The following PPP2R2C variants were observed in gnomAD, a reference collection of about 807,000 sequenced individuals.
The protein encoded by PPP2R2C is protein phosphatase 2 regulatory subunit Bgamma.
Under a neutral mutation model 45.3 loss-of-function variants are expected in PPP2R2C, and 10 were observed. The observed-to-expected ratio is 0.22, with a 90% CI of 0.14 to 0.37. The LOEUF (loss-of-function observed/expected upper bound fraction) is 0.37. Among genes scored for constraint, PPP2R2C ranks in the 10% least tolerant of loss-of-function variants. The probability of loss-of-function intolerance (pLI) is 1.00; values close to 1 mark genes in which losing one functional copy is unlikely to be tolerated. For missense variants in PPP2R2C, 308 were observed against 619.7 expected (o/e 0.50, Z 5.34); for synonymous variants, 257 against 245.4 (o/e 1.05, Z -0.44).
chr4:6,336,173 A>G (rs1732830687), intron 6 of PPP2R2C, among the ~76,000 whole-genome samples: 1 of 152,050 alleles, frequency 6.6e-6, no homozygotes, highest in South Asian at 2.1e-4. Context: ...AACTGACAGT[A>G]GGCGCCTCCC....
chr4:6,512,240 GGGTGGTGGTGGTGAT>G (rs1560595164), intron 2 of PPP2R2C, among the ~76,000 whole-genome samples: 30 of 11,076 alleles, frequency 2.7e-3, no homozygotes, highest in African/African-American at 0.011. Flanking sequence ...GTGATGGTGG[GGGTGGTGGTGGTGAT>G]GGTGGTGGTG....
chr4:6,482,478 C>T (rs1722388211), intron 2 of PPP2R2C, among the ~76,000 whole-genome samples: 2 of 152,196 alleles, frequency 1.3e-5, no homozygotes, highest in African/African-American at 4.8e-5. Context: ...TAGATTTTCT[C>T]TTAAGCGTCT....
At chr4:6,528,153 G>A (rs1724277963) in intron 2 of PPP2R2C, among the ~76,000 whole-genome samples, 1 of 152,246 alleles carries the variant, frequency 6.6e-6, no homozygotes, top group Non-Finnish European at 1.5e-5. Context: ...TGCCTGCCCT[G>A]TACCCTCGGC....
At chr4:6,550,970 C>T (rs1370075385) in intron 1 of PPP2R2C, among the ~76,000 whole-genome samples, 1 of 152,196 alleles carries the variant, frequency 6.6e-6, no homozygotes, top group Non-Finnish European at 1.5e-5. Flanking sequence ...GTTTTGGTCT[C>T]TCTCTAGAAA....
chr4:6,468,857 G>C (rs1721715017), intron 1 of PPP2R2C, among the ~76,000 whole-genome samples: 1 of 151,914 alleles, frequency 6.6e-6, no homozygotes, highest in Non-Finnish European at 1.5e-5. Flanking sequence ...ACCATATCCA[G>C]CTCTTGAGAA....
intron 2 of PPP2R2C, among the ~76,000 whole-genome samples, chr4:6,495,981 GGC>G (rs1416432188): frequency 6.6e-6 from 1 of 152,152 alleles, no homozygotes; most frequent in Non-Finnish European, 1.5e-5. Flanking sequence ...GGCTCTCCAT[GGC>G]GGCACTCCTT....
chr4:6,352,204 C>T (rs540410371), intron 5 of PPP2R2C, among the ~76,000 whole-genome samples: 8 of 152,050 alleles, frequency 5.3e-5, no homozygotes, highest in East Asian at 1.9e-4. Context: ...TGAGGGCCCC[C>T]GGCTGGGCGT....
chr4:6,516,377 T>C (rs1723829514), intron 2 of PPP2R2C, among the ~76,000 whole-genome samples: 1 of 152,238 alleles, frequency 6.6e-6, no homozygotes. Context: ...TGCCTCGTCT[T>C]ACCCGCAGTG....
chr4:6,321,367 G>C lies in PPP2R2C; in HGVS notation c.*1935C>G, dbSNP rs1208924304. 1 of 152,306 alleles carries C rather than the reference G, an allele frequency of 6.6e-6. No individual in the cohort carries two copies. The highest frequency in any genetic ancestry group is 2.4e-5 in the African/African-American group (1 of 41,346). The allele number at this position is 152,306 out of a possible 1,614,324, so 9.4% of individuals were successfully genotyped here. A position where few individuals can be genotyped will look rare whatever the true frequency, so the allele number is the denominator to read the frequency against. On this transcript the variant is annotated 3_prime_UTR_variant, in exon 9 of 9. Coordinates refer to ENST00000382599, the MANE Select transcript of PPP2R2C (RefSeq NM_020416.4). ...ACATTCTCGAACCTCTTTACAAGGGGGAAAAAAGTAATCCAATCCTTTGAT... is the reference window on the plus strand; with the variant it reads ...ACATTCTCGAACCTCTTTACAAGGGCGAAAAAAGTAATCCAATCCTTTGAT...
chr4:6,402,799 T>C (rs998953067), intron 1 of PPP2R2C, among the ~76,000 whole-genome samples: 2 of 152,164 alleles, frequency 1.3e-5, no homozygotes, highest in Non-Finnish European at 2.9e-5. Flanking sequence ...ACACTGCTAG[T>C]GGGAGGCATT....
chr4:6,415,661 T>C (rs1315388613), intron 1 of PPP2R2C, among the ~76,000 whole-genome samples: 1 of 152,180 alleles, frequency 6.6e-6, no homozygotes, highest in Non-Finnish European at 1.5e-5. Context: ...TCCAGCAGAC[T>C]TCTGACATTC....
At chr4:6,455,713 G>C (rs1241594606) in intron 1 of PPP2R2C, among the ~76,000 whole-genome samples, 7 of 152,054 alleles carry the variant, frequency 4.6e-5, no homozygotes, top group African/African-American at 1.7e-4. Context: ...TCCCCTGCCT[G>C]GACAGATCAC....
At chr4:6,326,174 G>A (rs1400047370) in intron 8 of PPP2R2C, among the ~76,000 whole-genome samples, 1 of 152,258 alleles carries the variant, frequency 6.6e-6, no homozygotes, top group African/African-American at 2.4e-5. Flanking sequence ...CCCTGGGAGG[G>A]GTTGGCTGGC....
chr4:6,415,864 C>G (rs1318833891), intron 1 of PPP2R2C, among the ~76,000 whole-genome samples: 1 of 152,206 alleles, frequency 6.6e-6, no homozygotes, highest in Non-Finnish European at 1.5e-5. Context: ...CATTACACAG[C>G]TATTAAGATA....
At chr4:6,401,066 T>C (rs1717383432) in intron 1 of PPP2R2C, among the ~76,000 whole-genome samples, 1 of 152,154 alleles carries the variant, frequency 6.6e-6, no homozygotes, top group African/African-American at 2.4e-5. Context: ...AAATAAAATA[T>C]TTATGAGGAC....
At chr4:6,482,268 C>T (rs1009137112) in intron 2 of PPP2R2C, among the ~76,000 whole-genome samples, 8 of 152,212 alleles carry the variant, frequency 5.3e-5, no homozygotes, top group African/African-American at 1.7e-4. Context: ...ATCTTCCCAG[C>T]TTCCCTGTGA....
At chr4:6,413,656 ACCTGTT>A (rs1718350684) in intron 1 of PPP2R2C, among the ~76,000 whole-genome samples, 1 of 152,110 alleles carries the variant, frequency 6.6e-6, no homozygotes, top group Non-Finnish European at 1.5e-5. Flanking sequence ...CACAGCACTC[ACCTGTT>A]CCATTCATGA....
chr4:6,344,566 C>T (rs1305673965), intron 6 of PPP2R2C, among the ~76,000 whole-genome samples: 2 of 152,160 alleles, frequency 1.3e-5, no homozygotes, highest in Admixed American at 6.5e-5. Flanking sequence ...GTCCTATGCC[C>T]GTCTCTGTGC....
intron 5 of PPP2R2C, among the ~76,000 whole-genome samples, chr4:6,358,885 A>G (rs1336625668): frequency 6.6e-6 from 1 of 152,262 alleles, no homozygotes. Context: ...GAACGCTTTT[A>G]CACTGTTGGT....
Sources: gnomAD v4.1 joint callset for allele counts (sites outside exome capture counted in the v4.1 genomes callset) on GRCh38, gnomAD v4.1.1 for gene constraint, MANE v1.5 for transcripts, NCBI Gene and HGNC (gene_info 2026-07-23, HGNC 2026-07-21) for gene names.